Variants in ADAMTS6 observed in about 807,000 individuals in gnomAD.
The protein encoded by ADAMTS6 is A disintegrin and metalloproteinase with thrombospondin motifs 6.
A neutral mutation model predicts 144.3 loss-of-function variants in ADAMTS6; 23 were observed. That is an observed-to-expected ratio of 0.16 (90% CI 0.11 to 0.23). The LOEUF (loss-of-function observed/expected upper bound fraction) is 0.23. Ranked by LOEUF, ADAMTS6 falls within the 10% of genes least tolerant of loss-of-function variation. The pLI is 1.00. For synonymous variants in ADAMTS6, 444 were observed against 457.5 expected, an observed-to-expected ratio of 0.97 and a Z score of 0.38; for missense variants, 999 against 1,379.6, an observed-to-expected ratio of 0.72 and a Z score of 4.37.
At chr5:65,316,836 C>G (rs1043854942) in intron 9 of ADAMTS6, among the ~76,000 whole-genome samples, 1 of 151,530 alleles carries the variant, frequency 6.6e-6, no homozygotes, top group Non-Finnish European at 1.5e-5. Flanking sequence ...GAGTCTTGCT[C>G]TGTTGCCCAG....
At chr5:65,338,684 G>A (rs1464238530) in intron 7 of ADAMTS6, among the ~76,000 whole-genome samples, 1 of 151,600 alleles carries the variant, frequency 6.6e-6, no homozygotes. Flanking sequence ...CCAGAGCCAG[G>A]AATATAGCCC....
At chr5:65,191,342 C>T (rs552128831) in intron 21 of ADAMTS6, among the ~76,000 whole-genome samples, 1 of 151,938 alleles carries the variant, frequency 6.6e-6, no homozygotes, top group Non-Finnish European at 1.5e-5. Flanking sequence ...AAAATTTGCC[C>T]CAACCTTGGT....
intron 9 of ADAMTS6, among the ~76,000 whole-genome samples, chr5:65,318,074 C>CAAAAAAAAAAAAAAA (rs78876970): frequency 1.6e-5 from 1 of 63,018 alleles, no homozygotes; most frequent in Non-Finnish European, 3.7e-5. Flanking sequence ...GACTCCATCT[C>CAAAAAAAAAAAAAAA]AAAAAAAAAA....
chr5:65,346,779 C>A (rs1156784929), intron 7 of ADAMTS6, among the ~76,000 whole-genome samples: 3 of 151,564 alleles, frequency 2.0e-5, no homozygotes, highest in Non-Finnish European at 4.4e-5. Context: ...GGAACTAATA[C>A]ATAAATTCAG....
chr5:65,222,524 T>C (rs539117646), intron 18 of ADAMTS6, among the ~76,000 whole-genome samples: 6 of 152,174 alleles, frequency 3.9e-5, no homozygotes, highest in Non-Finnish European at 7.4e-5. Flanking sequence ...TTTCTTATCA[T>C]AGTTTTAAGT....
chr5:65,325,728 A>G (rs188766241), intron 9 of ADAMTS6, among the ~76,000 whole-genome samples: 109 of 152,234 alleles, frequency 7.2e-4, no homozygotes, highest in Non-Finnish European at 1.3e-3. Flanking sequence ...GCCTGGGCTC[A>G]AGCAATCCTC....
At chr5:65,298,517 T>G (rs1743073756) in intron 10 of ADAMTS6, among the ~76,000 whole-genome samples, 1 of 152,146 alleles carries the variant, frequency 6.6e-6, no homozygotes, top group Non-Finnish European at 1.5e-5. Flanking sequence ...GTAAATGATC[T>G]CATTAAAACC....
At chr5:65,220,543 G>A (rs976820335) in intron 18 of ADAMTS6, among the ~76,000 whole-genome samples, 2 of 152,070 alleles carry the variant, frequency 1.3e-5, no homozygotes, top group African/African-American at 4.8e-5. Flanking sequence ...TCAGGAGATC[G>A]AGGTAATCCT....
At chr5:65,273,482 T>G (rs187237476) in intron 11 of ADAMTS6, 35 bp from the exon 12 acceptor site, 2 of 1,521,036 alleles carry the variant, frequency 1.3e-6, no homozygotes, top group Non-Finnish European at 9.1e-7. Context: ...TGATCAGAAA[T>G]AGAGTCATGT....
At position 65,424,657 on chromosome 5, in the gene ADAMTS6, G is replaced by A. The variant is rs148913112; in HGVS notation, c.1073+26818C>T. Among the ~76,000 whole-genome samples the A allele has an allele frequency of 7.2e-3, 1,091 of 152,150 alleles. 13 individuals carry two copies. Among genetic ancestry groups the A allele is most frequent in the African/African-American group, 0.025 (1,025 of 41,530 alleles). On this transcript the variant is annotated intron_variant, in intron 7 of 24. Transcript: ENST00000381055. ...TTCTGAAACATAGTAATGGATCAAA[G>A]AAGCATTAAAGTTGCATCTATAAGG...
chr5:65,481,076 T>C (rs116536237), intron 1 of ADAMTS6, among the ~76,000 whole-genome samples: 5 of 149,870 alleles, frequency 3.3e-5, no homozygotes, highest in African/African-American at 1.2e-4. Flanking sequence ...AAAACATGTA[T>C]TGTATATTCA....
intron 7 of ADAMTS6, among the ~76,000 whole-genome samples, chr5:65,438,853 A>G (rs1257926729): frequency 6.6e-6 from 1 of 152,240 alleles, no homozygotes; most frequent in Admixed American, 6.5e-5. Flanking sequence ...AAGATTTGGC[A>G]GAAATAAACT....
At position 65,214,660 on chromosome 5, in the gene ADAMTS6, T is replaced by A. The variant is rs1756781451; in HGVS notation, c.2575+134A>T. On this transcript the variant is annotated intron_variant, in intron 20 of 24. Coordinates refer to ENST00000381055, the MANE Select transcript of ADAMTS6 (RefSeq NM_197941.4). This position sits in a 1 kb window ranked among gnomAD's most constrained non-coding sequence, Gnocchi z 4.6. Reference sequence around the variant, plus strand: ...AATATAATTAAAGCAAAGTTTCTTTTGCTAAATTACAGCTTGAAGCAAACC... The same window carrying A: ...AATATAATTAAAGCAAAGTTTCTTTAGCTAAATTACAGCTTGAAGCAAACC... The A allele has an allele frequency of 7.7e-7, 1 of 1,292,354 alleles. No individual in the cohort carries two copies. Among genetic ancestry groups the A allele is most frequent in the Non-Finnish European group, 1.1e-6 (1 of 915,640 alleles). 80.1% of individuals were successfully genotyped at this position (1,292,354 alleles called of 1,614,324 possible).
chr5:65,409,470 G>A (rs1012928760), intron 7 of ADAMTS6, among the ~76,000 whole-genome samples: 25 of 152,226 alleles, frequency 1.6e-4, no homozygotes, highest in African/African-American at 6.0e-4. Flanking sequence ...TCCCTGAATA[G>A]ACCAATAACA....
chr5:65,407,469 C>T (rs1041023904), intron 7 of ADAMTS6, among the ~76,000 whole-genome samples: 10 of 150,778 alleles, frequency 6.6e-5, no homozygotes, highest in African/African-American at 2.4e-4. Flanking sequence ...GGTATATCTC[C>T]TAATGCTATC....
At chr5:65,478,856 A>T (rs1201261253) in intron 1 of ADAMTS6, among the ~76,000 whole-genome samples, 2 of 152,208 alleles carry the variant, frequency 1.3e-5, no homozygotes, top group Non-Finnish European at 2.9e-5. Context: ...AAGTTAAGGG[A>T]TCATTTACCT....
intron 14 of ADAMTS6, among the ~76,000 whole-genome samples, chr5:65,246,808 A>G (rs556016843): frequency 3.6e-4 from 54 of 152,102 alleles, no homozygotes; most frequent in Non-Finnish European, 6.9e-4. Flanking sequence ...TGCTTTCCTG[A>G]TTTCATTCCA....
intron 7 of ADAMTS6, among the ~76,000 whole-genome samples, chr5:65,404,876 T>C (rs1269718910): frequency 6.6e-6 from 1 of 152,232 alleles, no homozygotes; most frequent in Non-Finnish European, 1.5e-5. Flanking sequence ...GGTTTTGATT[T>C]GCATTTCTCT....
intron 24 of ADAMTS6, among the ~76,000 whole-genome samples, chr5:65,167,633 A>T (rs1229935433): frequency 1.5e-5 from 2 of 130,476 alleles, no homozygotes; most frequent in Non-Finnish European, 3.2e-5. Context: ...AAAAATCCTC[A>T]ATAAAATACT....
Sources: gnomAD v4.1 joint callset for allele counts (sites outside exome capture counted in the v4.1 genomes callset) on GRCh38, gnomAD v4.1.1 for gene constraint, Gnocchi (gnomAD v3.1) non-coding constraint, MANE v1.5 for transcripts, NCBI Gene and HGNC (gene_info 2026-07-23, HGNC 2026-07-21) for gene names.